ESRRG: variants seen among roughly 807,000 people sequenced by gnomAD.
The protein encoded by ESRRG is estrogen-related receptor gamma.
A neutral mutation model predicts 44.0 loss-of-function variants in ESRRG; 13 were observed. That is an observed-to-expected ratio of 0.30 (90% CI 0.19 to 0.47). The LOEUF is 0.47. Among genes scored for constraint, ESRRG ranks in the 20% least tolerant of loss-of-function variants. The probability of loss-of-function intolerance (pLI) is 1.00; values close to 1 mark genes in which losing one functional copy is unlikely to be tolerated. For synonymous variants in ESRRG, 215 were observed against 214.6 expected (o/e 1.00, Z -0.02); for missense variants, 395 against 580.6 (o/e 0.68, Z 3.29).
chr1:216,945,044 A>G (rs752781000), intron 1 of ESRRG, among the ~76,000 whole-genome samples: 2 of 152,178 alleles, frequency 1.3e-5, no homozygotes, highest in African/African-American at 2.4e-5. Flanking sequence ...AAAGCTCTTC[A>G]TTAGATCAGT....
intron 1 of ESRRG, among the ~76,000 whole-genome samples, chr1:217,043,189 A>G (rs1208147219): frequency 1.3e-5 from 2 of 152,178 alleles, no homozygotes; most frequent in African/African-American, 4.8e-5. Flanking sequence ...AGCAAAGAAG[A>G]CAAACTTCAT....
At chr1:217,123,647 G>T (rs994562346) in intron 1 of ESRRG, among the ~76,000 whole-genome samples, 15 of 152,094 alleles carry the variant, frequency 9.9e-5, no homozygotes, top group African/African-American at 3.4e-4. Flanking sequence ...GCAAACTAAT[G>T]CAGGAAAAGA....
chr1:216,845,132 T>G (rs1328795973), intron 2 of ESRRG, among the ~76,000 whole-genome samples: 1 of 152,124 alleles, frequency 6.6e-6, no homozygotes, highest in Non-Finnish European at 1.5e-5. Context: ...CGTACATATG[T>G]TTGTATGTTT....
intron 1 of ESRRG, among the ~76,000 whole-genome samples, chr1:217,025,246 C>T (rs1035361285): frequency 6.6e-6 from 1 of 152,050 alleles, no homozygotes. Flanking sequence ...AATTATTTAG[C>T]ATATGTTTCT....
At chr1:216,761,607 C>T (rs564348946) in intron 2 of ESRRG, among the ~76,000 whole-genome samples, 42 of 152,146 alleles carry the variant, frequency 2.8e-4, no homozygotes, top group African/African-American at 9.6e-4. Flanking sequence ...AAGAATACAA[C>T]AATTAAAAAC....
At position 216,561,882 on chromosome 1, in the gene ESRRG, C is replaced by T. The variant is rs369096222; in HGVS notation, c.862+2337G>A. Reference sequence around the variant, plus strand: ...AGAGAGAGAATAACGTCAGTCCCCACCAATTCTAAGCCTCAGCTTAAGACT... The same window carrying T: ...AGAGAGAGAATAACGTCAGTCCCCATCAATTCTAAGCCTCAGCTTAAGACT... On this transcript the variant is annotated intron_variant, in intron 5 of 6. Transcript: ENST00000408911. 1.4e-4 allele frequency among the ~76,000 whole-genome samples: 22 copies of T among 152,120 alleles called. No homozygotes were observed. The East Asian group carries it at 2.1e-3, about 15-fold the overall frequency.
intron 2 of ESRRG, chr1:216,863,817 C>T (rs1290877484): frequency 1.3e-5 from 2 of 152,178 alleles, no homozygotes; most frequent in African/African-American, 4.8e-5. Flanking sequence ...ATTTGCAGAA[C>T]TTTCCTGGGC....
At chr1:216,664,782 T>G (rs916018041) in intron 2 of ESRRG, among the ~76,000 whole-genome samples, 1 of 151,724 alleles carries the variant, frequency 6.6e-6, no homozygotes, top group East Asian at 1.9e-4. Flanking sequence ...AATATAAAAT[T>G]GTACTGCCGC....
intron 1 of ESRRG, among the ~76,000 whole-genome samples, chr1:216,943,504 G>A (rs2065583332): frequency 6.6e-6 from 1 of 152,152 alleles, no homozygotes; most frequent in Non-Finnish European, 1.5e-5. Context: ...CTGAAACATG[G>A]TAGCATGACA....
intron 1 of ESRRG, among the ~76,000 whole-genome samples, chr1:216,949,587 G>T (rs2576198): frequency 0.1 from 15,344 of 152,000 alleles, 2,333 homozygotes; most frequent in African/African-American, 0.33. Flanking sequence ...ACCTAAACTG[G>T]TCTCTTTCCT....
chr1:216,919,937 C>T (rs894883975), intron 2 of ESRRG, among the ~76,000 whole-genome samples: 1 of 152,310 alleles, frequency 6.6e-6, no homozygotes, highest in Admixed American at 6.5e-5. Context: ...GTATCACTGG[C>T]ATCTTGTTAT....
At chr1:216,846,591 C>T (rs148422525) in intron 2 of ESRRG, among the ~76,000 whole-genome samples, 13 of 152,226 alleles carry the variant, frequency 8.5e-5, no homozygotes, top group African/African-American at 2.4e-4. Flanking sequence ...CAACCCAACC[C>T]CTGGCCTAGA....
In ESRRG at chr1:217,043,077, C is replaced by T. The variant is rs897033446; in HGVS notation, c.-106+46430G>A. Among the ~76,000 whole-genome samples, 13 of 152,220 alleles carry T rather than the reference C, an allele frequency of 8.5e-5. No homozygotes were observed. In the East Asian group the frequency reaches 1.5e-3, roughly 18 times the overall value. ...GCTTCCAGCTCCAGTGCAAATTTAA[C>T]GCCAAACATTAAGCATTACTTGGCA... On this transcript the variant is annotated intron_variant, in intron 1 of 7. Coordinates refer to the ESRRG transcript ENST00000359162.
At chr1:216,953,195 C>T (rs895618813) in intron 1 of ESRRG, among the ~76,000 whole-genome samples, 1 of 152,088 alleles carries the variant, frequency 6.6e-6, no homozygotes, top group Non-Finnish European at 1.5e-5. Flanking sequence ...CCATCTCGTT[C>T]ACACTAAAGG....
intron 6 of ESRRG, among the ~76,000 whole-genome samples, 156 bp from the exon 7 acceptor site, chr1:216,507,339 T>C (rs549818166): frequency 9.5e-4 from 145 of 152,322 alleles, no homozygotes; most frequent in African/African-American, 3.5e-3. Flanking sequence ...ACAATCTCTA[T>C]TTCTTTCCAA....
At chr1:216,525,901 A>G (rs556457878) in intron 5 of ESRRG, among the ~76,000 whole-genome samples, 1 of 152,296 alleles carries the variant, frequency 6.6e-6, no homozygotes, top group African/African-American at 2.4e-5. Flanking sequence ...GGAACCAGAT[A>G]TCTAAACACT....
intron 2 of ESRRG, among the ~76,000 whole-genome samples, chr1:216,806,371 C>G (rs1250345938): frequency 6.6e-6 from 1 of 152,108 alleles, no homozygotes; most frequent in Non-Finnish European, 1.5e-5. Flanking sequence ...TACCTTATGA[C>G]TAGAGTCACG....
At chr1:216,758,813 A>G (rs2152330831) in intron 2 of ESRRG, among the ~76,000 whole-genome samples, 1 of 152,064 alleles carries the variant, frequency 6.6e-6, no homozygotes, top group South Asian at 2.1e-4. Flanking sequence ...GAGTCTGATT[A>G]CCCCCATAAA....
chr1:216,706,625 A>G (rs2813710), intron 1 of ESRRG, among the ~76,000 whole-genome samples: 151,054 of 152,296 alleles, frequency 0.99, 74,924 homozygotes, highest in Middle Eastern at 1. Flanking sequence ...TGAGACAAGC[A>G]CTCAGTAACA....
Sources: gnomAD v4.1 joint callset for allele counts (sites outside exome capture counted in the v4.1 genomes callset) on GRCh38, gnomAD v4.1.1 for gene constraint, MANE v1.5 for transcripts, NCBI Gene and HGNC (gene_info 2026-07-23, HGNC 2026-07-21) for gene names.